GRIK5: variants seen among roughly 807,000 people sequenced by gnomAD.
GRIK5 encodes the protein glutamate receptor ionotropic, kainate 5.
In GRIK5, 43 loss-of-function variants were observed where a neutral mutation model predicts 97.4. That is an observed-to-expected ratio of 0.44 (90% confidence interval 0.35 to 0.57). The LOEUF is 0.57. Ranked by LOEUF, GRIK5 falls within the 20% of genes least tolerant of loss-of-function variation. The probability of loss-of-function intolerance (pLI) is 0.01; values close to 1 mark genes in which losing one functional copy is unlikely to be tolerated. For synonymous variants in GRIK5, 580 were observed against 583.5 expected, an observed-to-expected ratio of 0.99 and a Z score of 0.09; for missense variants, 1,015 against 1,382.0, an observed-to-expected ratio of 0.73 and a Z score of 4.21.
intron 17 of GRIK5, among the ~76,000 whole-genome samples, chr19:42,004,573 G>A (rs999782335): frequency 1.3e-5 from 2 of 152,188 alleles, no homozygotes; most frequent in Non-Finnish European, 2.9e-5. Flanking sequence ...TCTGAATGAC[G>A]AAAGTGATAC....
rs187754573 is a variant in GRIK5, at chr19:42,003,679, G to A, written c.2268C>T (p.Ser756=). 25 of 1,610,094 alleles carry A rather than the reference G, an allele frequency of 1.6e-5. No individual in the cohort carries two copies. In the East Asian group the frequency reaches 5.6e-4, roughly 36 times the overall value. ...CCAGTGTGATCTCATCCCGGAACGG[G>A]GAGCCTGGGCAGGCACACGAGGGGC... The part of the protein sequence containing the change: ...KGYGIGMPLG[S]PFRDEITLAI... The change falls in exon 18 of 20, where the codon TCC becomes TCT. Residue 756 remains serine (S), a synonymous_variant. Coordinates refer to ENST00000593562, the MANE Select transcript of GRIK5 (RefSeq NM_002088.5). The surrounding 1 kb of genome is among the most constrained non-coding windows in gnomAD (Gnocchi z 4.2).
chr19:42,020,996 G>GT (rs2075688682), intron 15 of GRIK5, among the ~76,000 whole-genome samples: 1 of 152,136 alleles, frequency 6.6e-6, no homozygotes, highest in Non-Finnish European at 1.5e-5. Context: ...AGCAATTGGA[G>GT]TAGCCATTCT....
rs1052591811 is a variant in GRIK5, at chr19:42,069,765, C to G, written c.-575G>C. Among the ~76,000 whole-genome samples the G allele has an allele frequency of 1.8e-4, 28 of 151,736 alleles. No individual in the cohort carries two copies. The highest frequency in any genetic ancestry group is 2.1e-4 in the South Asian group (1 of 4,814). ...GGGGCCGCCCCCTTTCCCCCTCCCC[C>G]CTGGAGCCTGGGCCCTGCCCTGGTT... On this transcript the variant is annotated 5_prime_UTR_variant, in exon 1 of 20. Coordinates refer to ENST00000593562, the MANE Select transcript of GRIK5 (RefSeq NM_002088.5).
At chr19:42,018,367 C>T (rs998759855) in intron 15 of GRIK5, among the ~76,000 whole-genome samples, 7 of 149,858 alleles carry the variant, frequency 4.7e-5, no homozygotes, top group African/African-American at 1.8e-4. Flanking sequence ...AGAAATGTTG[C>T]TTCTCAGCCA....
intron 12 of GRIK5, among the ~76,000 whole-genome samples, chr19:42,040,779 G>C (rs952598204): frequency 2.6e-5 from 4 of 152,138 alleles, no homozygotes; most frequent in Non-Finnish European, 5.9e-5. Context: ...GCTTGAACCC[G>C]GGAGGTGGAG....
At chr19:42,023,255 G>A (rs913857142) in intron 12 of GRIK5, among the ~76,000 whole-genome samples, 5 of 151,994 alleles carry the variant, frequency 3.3e-5, no homozygotes, top group Admixed American at 3.3e-4. Context: ...TAAAACCGAG[G>A]AGCAGAGTGA....
intron 15 of GRIK5, among the ~76,000 whole-genome samples, chr19:42,019,486 C>T (rs1265815749): frequency 6.6e-6 from 1 of 152,152 alleles, no homozygotes; most frequent in African/African-American, 2.4e-5. Context: ...GACTGTGTGG[C>T]CGGCAGAATA....
intron 15 of GRIK5, among the ~76,000 whole-genome samples, chr19:42,011,153 T>C (rs978107238): frequency 4.6e-5 from 7 of 151,368 alleles, no homozygotes; most frequent in Non-Finnish European, 7.4e-5. Context: ...CCCTAATGTA[T>C]TGTGGGGTTC....
At chr19:42,034,437 G>T (rs1287728034) in intron 12 of GRIK5, among the ~76,000 whole-genome samples, 1 of 152,128 alleles carries the variant, frequency 6.6e-6, no homozygotes, top group Non-Finnish European at 1.5e-5. Context: ...GTGAGGCCCT[G>T]GGATGTGGGC....
Position 42,062,844 on chromosome 19 carries a change from A to G in GRIK5, c.256T>C (p.Leu86=). ...YETTDTMCQI[L]PKGVVSVLGP... is the part of the protein sequence containing the mutation. ...AGGACAGACACAACCCCTTTGGGTA[A>G]GATCTGACACACTGCGTGGGAAGGG... is the stretch of plus-strand genomic sequence containing the variant. Residue 86 remains leucine, a synonymous_variant, in exon 4 of 20, where the codon TTA becomes CTA. Transcript: ENST00000593562. The surrounding 1 kb of genome is among the most constrained non-coding windows in gnomAD (Gnocchi z 5.3). The G allele has an allele frequency of 6.2e-7, 1 of 1,613,100 alleles. No homozygotes were observed.
At chr19:42,036,965 A>C (rs1032195239) in intron 12 of GRIK5, among the ~76,000 whole-genome samples, 1 of 152,182 alleles carries the variant, frequency 6.6e-6, no homozygotes, top group Admixed American at 6.5e-5. Context: ...TAAGGCTCAG[A>C]GGGGGCAGCC....
chr19:42,065,259 G>A lies in GRIK5; in HGVS notation c.208C>T (p.Leu70=). The change falls in exon 3 of 20, where the codon CTG becomes TTG. Residue 70 remains leucine, a synonymous_variant. Coordinates refer to ENST00000593562, the MANE Select transcript of GRIK5 (RefSeq NM_002088.5). The surrounding 1 kb of genome is among the most constrained non-coding windows in gnomAD (Gnocchi z 5.8). ...GTCTCGTACTGGCTGTCCCGCTGCAGCTCAAAGATGTCTACTTCCACTCGG... is the reference window on the plus strand; with the variant it reads ...GTCTCGTACTGGCTGTCCCGCTGCAACTCAAAGATGTCTACTTCCACTCGG... ...KARVEVDIFE[L]QRDSQYETTD... is the part of the protein sequence containing the mutation. 6.2e-7 allele frequency: 1 copy of A among 1,613,202 alleles called. No individual in the cohort carries two copies. The highest frequency in any genetic ancestry group is 8.5e-7 in the Non-Finnish European group (1 of 1,179,822).
At chr19:42,020,852 C>T (rs909734313) in intron 15 of GRIK5, among the ~76,000 whole-genome samples, 4 of 152,176 alleles carry the variant, frequency 2.6e-5, no homozygotes, top group African/African-American at 9.7e-5. Context: ...ACCAGCAGCC[C>T]TCAGGGCTGC....
chr19:42,062,848 C>G lies in GRIK5; in HGVS notation c.252G>C (p.Gln84His). The G allele has an allele frequency of 6.2e-7, 1 of 1,612,524 alleles. No individual in the cohort carries two copies. Among genetic ancestry groups the G allele is most frequent in the Non-Finnish European group, 8.5e-7 (1 of 1,178,556 alleles). Residue 84 changes from glutamine (Q) to histidine (H), a missense_variant, in exon 4 of 20, where the codon CAG (glutamine) becomes CAC (histidine). Transcript: ENST00000593562. This position sits in a 1 kb window ranked among gnomAD's most constrained non-coding sequence, Gnocchi z 5.3. ...CAGACACAACCCCTTTGGGTAAGAT[C>G]TGACACACTGCGTGGGAAGGGGAAG... is the stretch of plus-strand genomic sequence containing the variant. ...SQYETTDTMC[Q>H]ILPKGVVSVL...
chr19:42,017,435 T>C (rs2075638297), intron 15 of GRIK5, among the ~76,000 whole-genome samples: 1 of 152,310 alleles, frequency 6.6e-6, no homozygotes, highest in Middle Eastern at 3.4e-3. Context: ...TGTAGGAAGA[T>C]ATATTACCCT....
intron 15 of GRIK5, among the ~76,000 whole-genome samples, chr19:42,019,685 T>A (rs1376254901): frequency 6.6e-6 from 1 of 152,000 alleles, no homozygotes; most frequent in Admixed American, 6.6e-5. Flanking sequence ...AAGAAGGAAG[T>A]TAGAGAGAGA....
intron 8 of GRIK5, among the ~76,000 whole-genome samples, chr19:42,054,939 C>T (rs571803137): frequency 3.9e-5 from 6 of 152,184 alleles, no homozygotes; most frequent in Non-Finnish European, 7.4e-5. Flanking sequence ...TGATTGGTCG[C>T]GGGCCTGGGA....
chr19:41,999,317 G>A lies in GRIK5; in HGVS notation c.2515-18C>T, dbSNP rs1555870420. ...ACCGACACCTGGGGGTGGCGCGGGC[G>A]GTCACCGTCCCGGCGCAGTCCGCCT... On this transcript the variant is annotated intron_variant, in intron 19 of 19. Transcript: ENST00000593562. The surrounding 1 kb of genome is among the most constrained non-coding windows in gnomAD (Gnocchi z 5.0). 1.3e-6 allele frequency: 2 copies of A among 1,502,882 alleles called. No homozygotes were observed. Among genetic ancestry groups the A allele is most frequent in the Non-Finnish European group, 1.8e-6 (2 of 1,132,470 alleles). 93.1% of individuals were successfully genotyped at this position (1,502,882 alleles called of 1,614,324 possible).
In GRIK5 at chr19:42,042,690, G is replaced by A; in HGVS notation, c.1335C>T (p.Gly445=). 6.2e-7 allele frequency: 1 copy of A among 1,613,708 alleles called. No homozygotes were observed. The highest frequency in any genetic ancestry group is 8.5e-7 in the Non-Finnish European group (1 of 1,179,996). The change falls in exon 12 of 20, where the codon GGC becomes GGT. Residue 445 remains glycine (G), a synonymous_variant. Coordinates refer to ENST00000593562, the MANE Select transcript of GRIK5 (RefSeq NM_002088.5). This position sits in a 1 kb window ranked among gnomAD's most constrained non-coding sequence, Gnocchi z 6.9. ...QALSGNERFE[G]FCVDMLRELA... ...GCTCCCGCAGCATGTCCACGCAGAAGCCCTCGAAGCGTTCGTTCCCCGACA... is the reference window on the plus strand; with the variant it reads ...GCTCCCGCAGCATGTCCACGCAGAAACCCTCGAAGCGTTCGTTCCCCGACA...
Sources: gnomAD v4.1 joint callset for allele counts (sites outside exome capture counted in the v4.1 genomes callset) on GRCh38, gnomAD v4.1.1 for gene constraint, Gnocchi (gnomAD v3.1) non-coding constraint, MANE v1.5 for transcripts, NCBI Gene and HGNC (gene_info 2026-07-23, HGNC 2026-07-21) for gene names.